DLGAP1: variants seen among roughly 807,000 people sequenced by gnomAD.
The protein encoded by DLGAP1 is disks large-associated protein 1.
Under a neutral mutation model 90.8 loss-of-function variants are expected in DLGAP1, and 11 were observed. That is an observed-to-expected ratio of 0.12 (90% CI 0.08 to 0.20). The LOEUF (loss-of-function observed/expected upper bound fraction) is 0.20. DLGAP1 is among the 10% of genes least tolerant of loss of function. DLGAP1 has a pLI of 1.00. For synonymous variants in DLGAP1, 558 were observed against 540.7 expected (o/e 1.03, Z -0.44); for missense variants, 1,050 against 1,333.8 (o/e 0.79, Z 3.31).
At chr18:4,074,152 A>G (rs945603670) in intron 2 of DLGAP1, among the ~76,000 whole-genome samples, 1 of 152,194 alleles carries the variant, frequency 6.6e-6, no homozygotes, top group Non-Finnish European at 1.5e-5. Flanking sequence ...ATAAAGACCA[A>G]TAAACTAGGA....
chr18:4,209,690 C>T (rs28569453), intron 1 of DLGAP1, among the ~76,000 whole-genome samples: 7,522 of 152,168 alleles, frequency 0.049, 601 homozygotes, highest in African/African-American at 0.17. Flanking sequence ...TTACTTAATA[C>T]GTGTTTGAAT....
intron 2 of DLGAP1, among the ~76,000 whole-genome samples, chr18:4,078,692 TTTACACGATC>T (rs1203046055): frequency 1.1e-4 from 16 of 152,186 alleles, no homozygotes; most frequent in Non-Finnish European, 1.8e-4. Flanking sequence ...CTGAAGTAAC[TTTACACGATC>T]TGGAAACCTG....
At chr18:3,600,955 T>TAGATATATAGATAGATATATAG (rs2056961246) in intron 7 of DLGAP1, among the ~76,000 whole-genome samples, 1 of 88,980 alleles carries the variant, frequency 1.1e-5, no homozygotes, top group African/African-American at 3.8e-5. Context: ...TATATAGATA[T>TAGATATATAGATAGATATATAG]ATATAGATAT....
intron 7 of DLGAP1, among the ~76,000 whole-genome samples, chr18:3,677,722 G>A (rs532685767): frequency 6.8e-6 from 1 of 147,074 alleles, no homozygotes. Context: ...GCAATAGCAC[G>A]ATCTTGGCTC....
intron 5 of DLGAP1, among the ~76,000 whole-genome samples, chr18:3,779,451 T>C (rs4411594): frequency 0.45 from 68,803 of 151,944 alleles, 17,112 homozygotes; most frequent in East Asian, 0.72. Context: ...CCCAAACCCA[T>C]AGTAATCCAT....
At chr18:4,405,778 C>T (rs2082649946) in intron 1 of DLGAP1, among the ~76,000 whole-genome samples, 1 of 152,164 alleles carries the variant, frequency 6.6e-6, no homozygotes, top group South Asian at 2.1e-4. Context: ...ACTGGTGCCA[C>T]CAACAGGGGC....
At chr18:3,838,520 T>C (rs1224356624) in intron 4 of DLGAP1, among the ~76,000 whole-genome samples, 7 of 152,222 alleles carry the variant, frequency 4.6e-5, no homozygotes, top group South Asian at 2.1e-4. Flanking sequence ...CTCTATTTGA[T>C]AGAGAGCAGC....
chr18:4,115,610 G>A (rs1200281125), intron 2 of DLGAP1, among the ~76,000 whole-genome samples: 8 of 151,766 alleles, frequency 5.3e-5, no homozygotes, highest in South Asian at 4.2e-4. Context: ...CTCAGCCTCC[G>A]GAGTAGCTGG....
intron 2 of DLGAP1, among the ~76,000 whole-genome samples, chr18:4,080,736 G>A (rs1445823466): frequency 1.3e-5 from 2 of 152,110 alleles, no homozygotes; most frequent in African/African-American, 2.4e-5. Context: ...GTCTTGCCGC[G>A]ATAACCCGAT....
intron 5 of DLGAP1, among the ~76,000 whole-genome samples, chr18:3,794,307 G>C (rs2065879879): frequency 6.6e-6 from 1 of 152,196 alleles, no homozygotes; most frequent in African/African-American, 2.4e-5. Context: ...TGTTAGCTAG[G>C]ACAGAACATA....
At chr18:4,277,212 C>T (rs1346809458) in intron 1 of DLGAP1, among the ~76,000 whole-genome samples, 2 of 152,136 alleles carry the variant, frequency 1.3e-5, no homozygotes, top group South Asian at 2.1e-4. Context: ...GCAAAGGATG[C>T]CCTTGTGATC....
At chr18:3,669,655 G>A (rs1324866644) in intron 7 of DLGAP1, among the ~76,000 whole-genome samples, 5 of 152,178 alleles carry the variant, frequency 3.3e-5, no homozygotes, top group African/African-American at 9.6e-5. Flanking sequence ...GCCGGGCAGC[G>A]GGTGGCCCAA....
intron 7 of DLGAP1, among the ~76,000 whole-genome samples, chr18:3,594,671 C>T (rs1413545988): frequency 1.3e-5 from 2 of 152,100 alleles, no homozygotes; most frequent in Non-Finnish European, 2.9e-5. Context: ...TGTTTTAAAG[C>T]AGCAGCCAAG....
chr18:4,382,098 T>G (rs1369184862), intron 1 of DLGAP1, among the ~76,000 whole-genome samples: 1 of 152,078 alleles, frequency 6.6e-6, no homozygotes, highest in East Asian at 1.9e-4. Flanking sequence ...ATGTGGGAAT[T>G]ATGGGAATTA....
chr18:3,912,753 G>C (rs1463844343), intron 3 of DLGAP1, among the ~76,000 whole-genome samples: 2 of 152,110 alleles, frequency 1.3e-5, no homozygotes, highest in Non-Finnish European at 2.9e-5. Context: ...CAGCTCTGTG[G>C]CTGGGTAGGT....
chr18:3,556,316 A>T (rs1471770536), intron 9 of DLGAP1, among the ~76,000 whole-genome samples: 1 of 151,800 alleles, frequency 6.6e-6, no homozygotes, highest in Non-Finnish European at 1.5e-5. Context: ...CCCAAAGTCC[A>T]TGGTTTACAG....
chr18:4,167,065 A>C (rs1207741940), intron 1 of DLGAP1, among the ~76,000 whole-genome samples: 3 of 152,216 alleles, frequency 2.0e-5, no homozygotes, highest in Non-Finnish European at 4.4e-5. Flanking sequence ...TAGACACTAC[A>C]AATTAATCAA....
At chr18:4,339,863 G>A (rs932590216) in intron 1 of DLGAP1, among the ~76,000 whole-genome samples, 2 of 152,134 alleles carry the variant, frequency 1.3e-5, no homozygotes, top group African/African-American at 4.8e-5. Flanking sequence ...CTTTGACATA[G>A]GATATAACAA....
chr18:4,159,658 T>C (rs2076812785), intron 1 of DLGAP1, among the ~76,000 whole-genome samples: 1 of 152,132 alleles, frequency 6.6e-6, no homozygotes, highest in African/African-American at 2.4e-5. Flanking sequence ...CAAATGTGGG[T>C]TGAATGTAAA....
Sources: allele counts gnomAD v4.1 joint callset (sites outside exome capture counted in the v4.1 genomes callset), GRCh38; gene constraint gnomAD v4.1.1; transcripts MANE v1.5; gene names NCBI Gene and HGNC (gene_info 2026-07-23, HGNC 2026-07-21).